Variants in ZC3H12B observed in about 807,000 individuals in gnomAD.
ZC3H12B encodes the protein zinc finger CCCH-type containing 12B.
In ZC3H12B, 7 loss-of-function variants were observed where a neutral mutation model predicts 43.9. The observed-to-expected ratio is 0.16, with a 90% CI of 0.09 to 0.30. ZC3H12B has a LOEUF of 0.30. Ranked by LOEUF, ZC3H12B falls within the 10% of genes least tolerant of loss-of-function variation. ZC3H12B has a pLI of 1.00. For synonymous variants in ZC3H12B, 222 were observed against 241.7 expected (o/e 0.92, Z 0.76); for missense variants, 475 against 670.2 (o/e 0.71, Z 3.22).
At chrX:65,055,734 G>C in the ZC3H12B span, among the ~76,000 whole-genome samples, 1 of 111,084 alleles carries the variant, frequency 9.0e-6, no homozygotes, top group Non-Finnish European at 1.9e-5. Flanking sequence ...TTTTTGGTTG[G>C]TATGCTATTA....
chrX:65,310,879 A>G, the ZC3H12B span, among the ~76,000 whole-genome samples: 28 of 112,347 alleles, frequency 2.5e-4, no homozygotes, highest in African/African-American at 9.0e-4. Flanking sequence ...CAAACTTGAC[A>G]AAAACAAGAA....
intron 3 of ZC3H12B, among the ~76,000 whole-genome samples, chrX:65,443,079 G>A (rs2067324914): frequency 9.0e-6 from 1 of 111,485 alleles, no homozygotes; most frequent in African/African-American, 3.3e-5. Context: ...GCTTTAGCTG[G>A]CAAATAAACA....
the ZC3H12B span, among the ~76,000 whole-genome samples, chrX:65,341,297 T>A: frequency 9.8e-5 from 11 of 112,079 alleles, no homozygotes; most frequent in African/African-American, 3.6e-4. Context: ...CAGAATATCA[T>A]CCATGAGAAC....
intron 2 of ZC3H12B, among the ~76,000 whole-genome samples, chrX:65,388,536 A>T: frequency 9.1e-6 from 1 of 110,496 alleles, no homozygotes; most frequent in Non-Finnish European, 1.9e-5. Flanking sequence ...CTAGTTCGCC[A>T]TTTGTCTAAT....
chrX:65,162,299 T>A, the ZC3H12B span, among the ~76,000 whole-genome samples: 1 of 111,562 alleles, frequency 9.0e-6, no homozygotes, highest in African/African-American at 3.3e-5. Context: ...ATTTCCTGAA[T>A]CTGAATGCTG....
the ZC3H12B span, among the ~76,000 whole-genome samples, chrX:65,117,140 C>T: frequency 8.9e-6 from 1 of 112,005 alleles, no homozygotes; most frequent in Non-Finnish European, 1.9e-5. Context: ...GCCACACTGT[C>T]TTCCACAATG....
chrX:65,135,648 G>T, the ZC3H12B span, among the ~76,000 whole-genome samples: 1 of 108,398 alleles, frequency 9.2e-6, no homozygotes, highest in African/African-American at 3.3e-5. Flanking sequence ...TTCAGACCCA[G>T]CCTTTTTCTT....
At chrX:65,147,849 G>C in the ZC3H12B span, among the ~76,000 whole-genome samples, 1 of 110,817 alleles carries the variant, frequency 9.0e-6, no homozygotes, top group Non-Finnish European at 1.9e-5. Flanking sequence ...TCTGGAGCCT[G>C]GGTTCATGGG....
At chrX:65,169,654 A>G in the ZC3H12B span, among the ~76,000 whole-genome samples, 5 of 111,351 alleles carry the variant, frequency 4.5e-5, no homozygotes, top group Admixed American at 1.9e-4. Context: ...TCCCATTTTT[A>G]CTGTGTGATA....
the ZC3H12B span, among the ~76,000 whole-genome samples, chrX:65,330,219 G>C: frequency 1.8e-5 from 2 of 111,464 alleles, no homozygotes; most frequent in African/African-American, 6.5e-5. Flanking sequence ...TGTTATTGGT[G>C]TATAAGAATG....
chrX:65,293,467 C>A, the ZC3H12B span, among the ~76,000 whole-genome samples: 1 of 110,007 alleles, frequency 9.1e-6, no homozygotes, highest in Non-Finnish European at 1.9e-5. Context: ...CCCGAGAGAT[C>A]ACAGTAGATT....
the ZC3H12B span, among the ~76,000 whole-genome samples, chrX:65,287,479 G>C: frequency 3.6e-5 from 4 of 110,668 alleles, no homozygotes; most frequent in Admixed American, 3.9e-4. Flanking sequence ...CTTGAGGCCA[G>C]GTGTGGTGGC....
intron 2 of ZC3H12B, among the ~76,000 whole-genome samples, chrX:65,382,324 G>T (rs1208933840): frequency 1.8e-5 from 2 of 109,216 alleles, no homozygotes; most frequent in African/African-American, 6.7e-5. Context: ...ATGTAATCCA[G>T]CATATAAACC....
chrX:65,375,702 A>AC (rs1451134810), intron 2 of ZC3H12B, among the ~76,000 whole-genome samples: 2 of 111,210 alleles, frequency 1.8e-5, no homozygotes, highest in African/African-American at 6.5e-5. Flanking sequence ...CCAGAAGGGA[A>AC]CCCACCACCT....
the ZC3H12B span, among the ~76,000 whole-genome samples, chrX:65,200,535 C>T: frequency 4.8e-5 from 5 of 103,336 alleles, no homozygotes; most frequent in Non-Finnish European, 7.8e-5. Flanking sequence ...TAGGTTCAAG[C>T]GATTCTCCTA....
At chrX:65,445,959 A>G (rs1054536938) in intron 3 of ZC3H12B, among the ~76,000 whole-genome samples, 8 of 111,712 alleles carry the variant, frequency 7.2e-5, no homozygotes, top group African/African-American at 2.6e-4. Context: ...GCTGGGTCAC[A>G]CCTGAAGCCA....
At chrX:65,501,735 C>A in intron 4 of ZC3H12B, 54 bp from the exon 10 acceptor site, 1 of 1,066,269 alleles carries the variant, frequency 9.4e-7, no homozygotes, top group Non-Finnish European at 1.2e-6. Flanking sequence ...CAGTTTTTGG[C>A]ACAGAGGGTT....
intron 3 of ZC3H12B, among the ~76,000 whole-genome samples, chrX:65,454,339 G>A (rs764188702): frequency 1.8e-5 from 2 of 112,412 alleles, no homozygotes; most frequent in African/African-American, 6.5e-5. Flanking sequence ...TATATCCCAC[G>A]CCTGGCTCGG....
chrX:65,095,242 G>C, the ZC3H12B span, among the ~76,000 whole-genome samples: 1 of 111,686 alleles, frequency 9.0e-6, no homozygotes, highest in East Asian at 2.8e-4. Context: ...CAATACAGAT[G>C]ACCAAACCAT....
Sources: gnomAD v4.1 joint callset for allele counts (sites outside exome capture counted in the v4.1 genomes callset) on GRCh38, gnomAD v4.1.1 for gene constraint, MANE v1.5 for transcripts, NCBI Gene and HGNC (gene_info 2026-07-23, HGNC 2026-07-21) for gene names.